The following PCDH15 variants were observed in gnomAD, a reference collection of about 807,000 sequenced individuals.
PCDH15 encodes the protein protocadherin related 15, also known as protocadherin-15.
Under a neutral mutation model 178.5 loss-of-function variants are expected in PCDH15, and 129 were observed. The ratio of observed to expected loss-of-function variants is 0.72; its 90% CI spans 0.63 to 0.84. The LOEUF (loss-of-function observed/expected upper bound fraction) is 0.84, where lower values mean the gene tolerates loss of function less well. Ranked by LOEUF, PCDH15 falls within the 40% of genes least tolerant of loss-of-function variation. PCDH15 has a pLI of 0.00. For missense variants in PCDH15, 2,230 were observed against 2,099.9 expected, an observed-to-expected ratio of 1.06 and a Z score of -1.21; for synonymous variants, 800 against 732.0, an observed-to-expected ratio of 1.09 and a Z score of -1.50.
At chr10:54,766,165 CG>C (rs1300646522) in intron 1 of PCDH15, among the ~76,000 whole-genome samples, 1 of 151,846 alleles carries the variant, frequency 6.6e-6, no homozygotes. Context: ...ATGAGTAATA[CG>C]TTTAAATTTC....
intron 2 of PCDH15, among the ~76,000 whole-genome samples, chr10:55,408,066 AC>A (rs1203987678): frequency 6.6e-6 from 1 of 152,206 alleles, no homozygotes; most frequent in African/African-American, 2.4e-5. Flanking sequence ...ACTTGCCATC[AC>A]AGAACCCAAT....
At chr10:54,118,122 C>T (rs570768482) in intron 15 of PCDH15, among the ~76,000 whole-genome samples, 2 of 152,322 alleles carry the variant, frequency 1.3e-5, no homozygotes, top group East Asian at 1.9e-4. Context: ...GAAGCCATCA[C>T]ACTACCTGCA....
rs138192073 is a variant in PCDH15, at chr10:55,189,617, A to G, written c.-155-22966T>C. Among the ~76,000 whole-genome samples, 9 of 152,028 alleles carry G rather than the reference A, an allele frequency of 5.9e-5. 1 individual carries two copies. In the East Asian group the frequency reaches 1.7e-3, roughly 29 times the overall value. On this transcript the variant is annotated intron_variant, in intron 1 of 5. Coordinates refer to the PCDH15 transcript ENST00000458638. The stretch of plus-strand genomic sequence containing the variant: ...GCTTTATGTTTAAGAACTTTGTTTT[A>G]CATAAACTATATTCAAATCTCAACT...
intron 2 of PCDH15, among the ~76,000 whole-genome samples, chr10:55,043,105 A>G (rs1050704612): frequency 3.3e-5 from 5 of 151,946 alleles, no homozygotes; most frequent in African/African-American, 4.8e-5. Context: ...ATGTTTTTAG[A>G]ACCTTTGTTT....
chr10:54,443,300 G>C (rs531044594), intron 3 of PCDH15, among the ~76,000 whole-genome samples: 2 of 151,322 alleles, frequency 1.3e-5, no homozygotes, highest in African/African-American at 4.8e-5. Flanking sequence ...ACCTGTTCCT[G>C]TCTGACATAT....
At chr10:53,890,161 C>G (rs904457287) in intron 26 of PCDH15, among the ~76,000 whole-genome samples, 1 of 152,242 alleles carries the variant, frequency 6.6e-6, no homozygotes, top group East Asian at 1.9e-4. Context: ...GGCACAGTGG[C>G]TCATGCCTGT....
At chr10:55,077,815 A>G (rs1220550575) in intron 2 of PCDH15, among the ~76,000 whole-genome samples, 1 of 152,032 alleles carries the variant, frequency 6.6e-6, no homozygotes, top group Non-Finnish European at 1.5e-5. Flanking sequence ...TCAAAGTGCT[A>G]GGATTACAGG....
chr10:54,464,335 T>C (rs868013249), intron 3 of PCDH15, among the ~76,000 whole-genome samples: 97 of 152,056 alleles, frequency 6.4e-4, no homozygotes, highest in African/African-American at 2.2e-3. Flanking sequence ...TTCAAAAAGT[T>C]CGAAACAGAG....
chr10:53,837,777 A>G (rs1302364481), intron 29 of PCDH15, among the ~76,000 whole-genome samples: 2 of 151,942 alleles, frequency 1.3e-5, no homozygotes, highest in African/African-American at 4.8e-5. Flanking sequence ...ACATACACAC[A>G]TATACACATG....
intron 3 of PCDH15, among the ~76,000 whole-genome samples, chr10:54,514,295 A>C (rs2137880990): frequency 6.6e-6 from 1 of 152,276 alleles, no homozygotes; most frequent in South Asian, 2.1e-4. Context: ...ATATATAATT[A>C]TAATAATGTT....
chr10:55,472,256 C>T (rs895163017), intron 2 of PCDH15, among the ~76,000 whole-genome samples: 3 of 152,074 alleles, frequency 2.0e-5, no homozygotes, highest in African/African-American at 4.8e-5. Context: ...TTGCTTATAT[C>T]CCATTTAAAT....
intron 2 of PCDH15, among the ~76,000 whole-genome samples, chr10:54,912,929 C>T (rs976426564): frequency 3.9e-5 from 6 of 152,116 alleles, no homozygotes; most frequent in African/African-American, 9.7e-5. Context: ...AGAAAAGAGA[C>T]TGTTGGCATT....
At chr10:54,082,701 T>C (rs561390046) in intron 16 of PCDH15, among the ~76,000 whole-genome samples, 12 of 151,602 alleles carry the variant, frequency 7.9e-5, no homozygotes, top group South Asian at 4.2e-4. Flanking sequence ...GATTCTTAGA[T>C]ATGACACCAG....
chr10:54,982,655 T>C (rs1839267401), intron 2 of PCDH15, among the ~76,000 whole-genome samples: 1 of 152,078 alleles, frequency 6.6e-6, no homozygotes, highest in South Asian at 2.1e-4. Context: ...AGTCCAACAA[T>C]ATGGTTGTTA....
At chr10:55,290,823 A>G (rs1193198664) in intron 1 of PCDH15, among the ~76,000 whole-genome samples, 1 of 152,178 alleles carries the variant, frequency 6.6e-6, no homozygotes, top group African/African-American at 2.4e-5. Flanking sequence ...ATTAGAAAAC[A>G]AGAAAAGGTA....
chr10:54,100,153 G>A (rs1397067235), intron 15 of PCDH15, among the ~76,000 whole-genome samples: 3 of 152,048 alleles, frequency 2.0e-5, no homozygotes, highest in Non-Finnish European at 2.9e-5. Context: ...AGATCACGAT[G>A]TCAGGAGTTT....
At chr10:54,266,447 T>C (rs904457607) in intron 8 of PCDH15, among the ~76,000 whole-genome samples, 6 of 149,962 alleles carry the variant, frequency 4.0e-5, no homozygotes, top group East Asian at 2.0e-4. Flanking sequence ...AGAAAATAAA[T>C]AACAAAAATA....
chr10:54,342,624 GTC>G (rs142239291), intron 6 of PCDH15, among the ~76,000 whole-genome samples: 10,680 of 152,150 alleles, frequency 0.07, 486 homozygotes, highest in African/African-American at 0.12. Flanking sequence ...GAGTCCCACT[GTC>G]TCCTCCAGAT....
At chr10:54,298,781 A>G (rs1270598224) in intron 8 of PCDH15, among the ~76,000 whole-genome samples, 2 of 152,196 alleles carry the variant, frequency 1.3e-5, no homozygotes, top group Admixed American at 1.3e-4. Flanking sequence ...TAGCCTTCTC[A>G]GTGTTAATCT....
Sources: gnomAD v4.1 joint callset for allele counts (sites outside exome capture counted in the v4.1 genomes callset) on GRCh38, gnomAD v4.1.1 for gene constraint, MANE v1.5 for transcripts, NCBI Gene and HGNC (gene_info 2026-07-23, HGNC 2026-07-21) for gene names.